Variants in SETD7 observed in about 807,000 individuals in gnomAD.
SETD7 encodes SET domain containing 7, histone lysine methyltransferase, also known as histone-lysine N-methyltransferase SETD7.
A neutral mutation model predicts 41.8 loss-of-function variants in SETD7; 16 were observed. The observed-to-expected ratio is 0.38, with a 90% CI of 0.26 to 0.58. SETD7 has a LOEUF of 0.58. SETD7 is among the 20% of genes least tolerant of loss of function. The pLI is 0.64. For missense variants in SETD7, 346 were observed against 459.7 expected (o/e 0.75, Z 2.26); for synonymous variants, 163 against 169.7 (o/e 0.96, Z 0.31).
chr4:139,496,927 G>GGTAT (rs112070775), intron 7 of SETD7, among the ~76,000 whole-genome samples: 71 of 151,830 alleles, frequency 4.7e-4, no homozygotes, highest in Admixed American at 1.8e-3. Flanking sequence ...TAATAATTCT[G>GGTAT]ATAAAGAAAT....
At chr4:139,533,416 C>T (rs1374293231) in intron 2 of SETD7, 50 bp from the exon 3 acceptor site, 2 of 1,491,914 alleles carry the variant, frequency 1.3e-6, no homozygotes, top group Non-Finnish European at 1.8e-6. Flanking sequence ...TGACTTGACT[C>T]TCTTAGAAGA....
At chr4:139,529,334 T>C in intron 3 of SETD7, 114 bp from the exon 4 acceptor site, 1 of 785,830 alleles carries the variant, frequency 1.3e-6, no homozygotes, top group Non-Finnish European at 1.9e-6. Flanking sequence ...GTAGGGATAA[T>C]AACAGTTTAG....
At chr4:139,554,521 G>A (rs896938945) in intron 1 of SETD7, among the ~76,000 whole-genome samples, 2 of 152,188 alleles carry the variant, frequency 1.3e-5, no homozygotes, top group African/African-American at 4.8e-5. Flanking sequence ...CAACATGGAG[G>A]CACAAGAAGT....
intron 4 of SETD7, among the ~76,000 whole-genome samples, chr4:139,528,825 C>G (rs1271459130): frequency 6.6e-6 from 1 of 152,196 alleles, no homozygotes; most frequent in Non-Finnish European, 1.5e-5. Context: ...CAGCCTCAGC[C>G]AGCTGGAGTA....
chr4:139,520,138 G>T, intron 6 of SETD7, 139 bp downstream of exon 6: 1 of 539,114 alleles, frequency 1.9e-6, no homozygotes. Context: ...AAATAAAGAG[G>T]ATGAAAATGT....
chr4:139,528,293 C>T (rs921743310), intron 4 of SETD7, among the ~76,000 whole-genome samples: 3 of 152,202 alleles, frequency 2.0e-5, no homozygotes, highest in African/African-American at 7.2e-5. Context: ...TTGTGCTCCA[C>T]GCAAGATGTT....
chr4:139,515,159 C>G (rs907055711), intron 7 of SETD7, among the ~76,000 whole-genome samples: 1 of 64,212 alleles, frequency 1.6e-5, no homozygotes, highest in Non-Finnish European at 2.7e-5. Flanking sequence ...AAGAGCAAAA[C>G]TCCACCTCAA....
chr4:139,538,713 C>A (rs563558426), intron 2 of SETD7, among the ~76,000 whole-genome samples: 3 of 150,378 alleles, frequency 2.0e-5, no homozygotes, highest in African/African-American at 7.6e-5. Context: ...ATGTTCTTAA[C>A]ATGCTTAACT....
downstream of SETD7, among the ~76,000 whole-genome samples, chr4:139,505,356 AG>A (rs1229146081): frequency 7.2e-5 from 11 of 152,238 alleles, no homozygotes; most frequent in Admixed American, 3.9e-4. Flanking sequence ...TGGGAGGCCA[AG>A]GCAGGCAGAT....
Position 139,556,195 on chromosome 4 carries a change from T to G in SETD7, c.-58A>C. On this transcript the variant is annotated 5_prime_UTR_variant, in exon 1 of 8. Coordinates refer to ENST00000274031, the MANE Select transcript of SETD7 (RefSeq NM_030648.4). ...CGCGGCTGCCTCCCGTCCCTCTGGG[T>G]GCTCCCGGCGGCTGAGCGAGCTCTG... is the stretch of plus-strand genomic sequence containing the variant. 1 of 1,543,818 alleles carries G rather than the reference T, an allele frequency of 6.5e-7. No individual in the cohort carries two copies. Among genetic ancestry groups the G allele is most frequent in the Non-Finnish European group, 8.8e-7 (1 of 1,142,112 alleles).
chr4:139,550,839 A>C (rs1255996704), intron 1 of SETD7, among the ~76,000 whole-genome samples: 1 of 152,228 alleles, frequency 6.6e-6, no homozygotes, highest in Non-Finnish European at 1.5e-5. Context: ...TGTAAGCCTC[A>C]AAACAGTCTC....
intron 1 of SETD7, among the ~76,000 whole-genome samples, chr4:139,552,868 C>G (rs984819391): frequency 1.3e-5 from 2 of 152,152 alleles, no homozygotes; most frequent in African/African-American, 4.8e-5. Flanking sequence ...TATTTGAAAT[C>G]ATATTAGAGA....
In SETD7 at chr4:139,546,796, G is replaced by A. The variant is rs1283113168; in HGVS notation, c.170+124C>T. On this transcript the variant is annotated intron_variant, in intron 2 of 7. Coordinates refer to ENST00000274031, the MANE Select transcript of SETD7 (RefSeq NM_030648.4). ...TCACCAAAGCAGTGCCTACAGGTAG[G>A]GGTTAATTTTACCCATTGAATAAAT... 11 of 1,315,264 alleles carry A rather than the reference G, an allele frequency of 8.4e-6. No homozygotes were observed. In the East Asian group the frequency reaches 2.4e-4, roughly 28 times the overall value. 81.5% of individuals were successfully genotyped at this position (1,315,264 alleles called of 1,614,324 possible). A position where few individuals can be genotyped will look rare whatever the true frequency, so the allele number is the denominator to read the frequency against.
At chr4:139,538,145 G>GA (rs796798275) in intron 2 of SETD7, among the ~76,000 whole-genome samples, 197 of 152,106 alleles carry the variant, frequency 1.3e-3, no homozygotes, top group African/African-American at 4.6e-3. Context: ...GAACAAGCAA[G>GA]AAAAATTCCT....
intron 2 of SETD7, among the ~76,000 whole-genome samples, chr4:139,534,505 C>G (rs944397002): frequency 2.0e-5 from 3 of 152,124 alleles, no homozygotes; most frequent in African/African-American, 7.2e-5. Flanking sequence ...CCTCCCACCT[C>G]AGCCTCCCAA....
At chr4:139,547,233 A>G (rs575799276) in intron 1 of SETD7, among the ~76,000 whole-genome samples, 184 bp from the exon 2 acceptor site, 2 of 152,372 alleles carry the variant, frequency 1.3e-5, no homozygotes, top group South Asian at 4.1e-4. Context: ...CGGCACCAGC[A>G]GTACCAAATT....
At chr4:139,502,315 G>A (rs1189489195), downstream of SETD7, among the ~76,000 whole-genome samples, 1 of 152,236 alleles carries the variant, frequency 6.6e-6, no homozygotes, top group Non-Finnish European at 1.5e-5. Context: ...AGAAGGTAAT[G>A]AGAAGCATGG....
chr4:139,545,040 T>C (rs1727898825), intron 2 of SETD7, among the ~76,000 whole-genome samples: 1 of 152,044 alleles, frequency 6.6e-6, no homozygotes, highest in African/African-American at 2.4e-5. Context: ...ATGTACTTGT[T>C]GAACGAATAA....
intron 7 of SETD7, among the ~76,000 whole-genome samples, chr4:139,497,825 T>C (rs1274700412): frequency 6.6e-6 from 1 of 152,128 alleles, no homozygotes; most frequent in Non-Finnish European, 1.5e-5. Flanking sequence ...ACTCCTGAGC[T>C]CAGGTGATCC....
Sources: gnomAD v4.1 joint callset for allele counts (sites outside exome capture counted in the v4.1 genomes callset) on GRCh38, gnomAD v4.1.1 for gene constraint, MANE v1.5 for transcripts, NCBI Gene and HGNC (gene_info 2026-07-23, HGNC 2026-07-21) for gene names.